The following STX19 variants were observed in gnomAD, a reference collection of about 807,000 sequenced individuals.
STX19 encodes the protein syntaxin-19.
STX19 carries 26 observed loss-of-function variants against 24.3 expected under a neutral mutation model. The observed-to-expected ratio is 1.07, with a 90% CI of 0.78 to 1.48. The LOEUF (loss-of-function observed/expected upper bound fraction) is 1.48, where lower values mean the gene tolerates loss of function less well. Ranked by LOEUF, STX19 falls within the 40% of genes most tolerant of loss-of-function variation. The pLI is 0.00. For synonymous variants in STX19, 116 were observed against 106.9 expected (o/e 1.09, Z -0.52); for missense variants, 367 against 331.9 (o/e 1.11, Z -0.82).
At chr3:94,021,590 G>A (rs1231231532) in intron 1 of STX19, among the ~76,000 whole-genome samples, 1 of 152,122 alleles carries the variant, frequency 6.6e-6, no homozygotes, top group South Asian at 2.1e-4. Context: ...TTACCATGTG[G>A]CAACTTTGTG....
intron 1 of STX19, among the ~76,000 whole-genome samples, chr3:94,019,732 C>T (rs2106988748): frequency 6.6e-6 from 1 of 152,320 alleles, no homozygotes; most frequent in African/African-American, 2.4e-5. Flanking sequence ...ACAATGACTT[C>T]ACCCCTTCTG....
At chr3:94,019,952 T>A (rs1428522046) in intron 1 of STX19, among the ~76,000 whole-genome samples, 1 of 152,258 alleles carries the variant, frequency 6.6e-6, no homozygotes, top group Non-Finnish European at 1.5e-5. Context: ...TAGGATGTTC[T>A]TTGTCACCCT....
intron 1 of STX19, among the ~76,000 whole-genome samples, chr3:94,015,872 T>C (rs2107494846): frequency 6.6e-6 from 1 of 152,324 alleles, no homozygotes; most frequent in Middle Eastern, 3.4e-3. Context: ...CTGTTGCATA[T>C]ATGTGAAAAC....
intron 1 of STX19, among the ~76,000 whole-genome samples, chr3:94,028,009 CTAAAG>C (rs1182348921): frequency 6.6e-5 from 10 of 152,068 alleles, no homozygotes; most frequent in East Asian, 1.9e-4. Flanking sequence ...AAAATGTTCT[CTAAAG>C]TAAGCACATT....
At chr3:94,020,223 T>G (rs1234421039) in intron 1 of STX19, among the ~76,000 whole-genome samples, 1 of 152,210 alleles carries the variant, frequency 6.6e-6, no homozygotes, top group Non-Finnish European at 1.5e-5. Flanking sequence ...TGAGTTCTTA[T>G]GTTGAGATCT....
intron 1 of STX19, among the ~76,000 whole-genome samples, chr3:94,025,628 T>G (rs986419282): frequency 6.6e-6 from 1 of 152,222 alleles, no homozygotes; most frequent in African/African-American, 2.4e-5. Context: ...ACAAGAATGC[T>G]CTGAGTGTCC....
chr3:94,025,689 G>A lies in STX19; in HGVS notation c.-14+2678C>T, dbSNP rs185033757. On this transcript the variant is annotated intron_variant, in intron 1 of 1. Coordinates refer to ENST00000315099, the MANE Select transcript of STX19 (RefSeq NM_001001850.3). ...TATTTTTTTGATTGTCACTACCAAC[G>A]CCCCATGGAGTTTGCCCCTTGTAGC... Among the ~76,000 whole-genome samples the A allele has an allele frequency of 1.4e-3, 214 of 152,132 alleles. 2 individuals carry two copies. The highest frequency in any genetic ancestry group is 3.9e-3 in the Admixed American group (59 of 15,280).
chr3:94,026,227 G>C (rs1416702509), intron 1 of STX19, among the ~76,000 whole-genome samples: 2 of 152,134 alleles, frequency 1.3e-5, no homozygotes, highest in Non-Finnish European at 2.9e-5. Flanking sequence ...CACCGTGTGA[G>C]CCAGGAGAAA....
At chr3:94,020,412 G>T (rs1375317801) in intron 1 of STX19, among the ~76,000 whole-genome samples, 1 of 152,160 alleles carries the variant, frequency 6.6e-6, no homozygotes, top group Non-Finnish European at 1.5e-5. Context: ...GATTCTGGCA[G>T]TATAGTTTGA....
intron 1 of STX19, among the ~76,000 whole-genome samples, chr3:94,020,736 T>G (rs1392991812): frequency 6.6e-6 from 1 of 152,178 alleles, no homozygotes; most frequent in East Asian, 1.9e-4. Context: ...TGGGAAACAT[T>G]TAAGAGCAAG....
At chr3:94,023,236 A>G (rs2076486958) in intron 1 of STX19, among the ~76,000 whole-genome samples, 1 of 152,134 alleles carries the variant, frequency 6.6e-6, no homozygotes, top group African/African-American at 2.4e-5. Context: ...TGGAAATTAT[A>G]TTCCCTCAAA....
intron 1 of STX19, among the ~76,000 whole-genome samples, chr3:94,019,640 A>G (rs1333689778): frequency 6.6e-6 from 1 of 151,690 alleles, no homozygotes; most frequent in South Asian, 2.1e-4. Flanking sequence ...GTTAAAATGT[A>G]GGTCAGACCA....
rs1037460019 is a variant in STX19 at position 94,015,150 on chromosome 3, AAT to A, written c.118_119del (p.Ile40LeufsTer2). The A allele has an allele frequency of 1.9e-6, 3 of 1,613,838 alleles. No homozygotes were observed. Among genetic ancestry groups the A allele is most frequent in the Non-Finnish European group, 8.5e-7 (1 of 1,179,938 alleles). On this transcript the variant is annotated frameshift_variant, in exon 2 of 2. Coordinates refer to ENST00000315099, the MANE Select transcript of STX19 (RefSeq NM_001001850.3). LOFTEE classifies it high-confidence loss of function. The part of the protein sequence containing the change: ...EQGVFLQQAV[I>X]YEREPVAERH... Reference sequence around the variant, plus strand: ...TCTCAGCTACAGGCTCTCTTTCATAAATAACAGCTTGCTGTAGAAACACCCCT... The same window carrying A: ...TCTCAGCTACAGGCTCTCTTTCATAAAACAGCTTGCTGTAGAAACACCCCT...
intron 1 of STX19, among the ~76,000 whole-genome samples, chr3:94,028,055 G>T (rs146909484): frequency 8.8e-4 from 134 of 152,086 alleles, no homozygotes; most frequent in Admixed American, 3.3e-4. Context: ...AATAATTTTA[G>T]ATCTGTTTTT....
Position 94,014,619 on chromosome 3 carries a change from C to G in STX19, c.651G>C (p.Lys217Asn). 5 of 1,613,404 alleles carry G rather than the reference C, an allele frequency of 3.1e-6. No individual in the cohort carries two copies. The highest frequency in any genetic ancestry group is 4.2e-6 in the Non-Finnish European group (5 of 1,179,914). The stretch of plus-strand genomic sequence containing the variant: ...TTTGGTTCTCCAAATTAACAAGTTC[C>G]TTGTGTCTCTGTTCAATCTCTGAAA... ...AQLSEIEQRH[K>N]ELVNLENQIK... is the part of the protein sequence containing the mutation. Residue 217 changes from lysine (K) to asparagine (N), a missense_variant, in exon 2 of 2, where the codon AAG (lysine) becomes AAC (asparagine). By Grantham distance (94) the Lys-to-Asn change is moderately conservative. Transcript: ENST00000315099.
intron 1 of STX19, among the ~76,000 whole-genome samples, chr3:94,027,553 G>A (rs1474265078): frequency 6.6e-6 from 1 of 152,062 alleles, no homozygotes; most frequent in African/African-American, 2.4e-5. Flanking sequence ...TGAAGATAAT[G>A]TGTTCGAGGT....
At chr3:94,020,043 A>G (rs2076415950) in intron 1 of STX19, among the ~76,000 whole-genome samples, 1 of 152,044 alleles carries the variant, frequency 6.6e-6, no homozygotes, top group African/African-American at 2.4e-5. Flanking sequence ...TTAACATACC[A>G]TGTATTTTAC....
At chr3:94,019,573 C>A (rs1393020449) in intron 1 of STX19, among the ~76,000 whole-genome samples, 1 of 144,350 alleles carries the variant, frequency 6.9e-6, no homozygotes, top group Non-Finnish European at 1.5e-5. Flanking sequence ...GCACCAACTA[C>A]CCCCCATCCT....
At chr3:94,021,182 T>TTATATATA (rs373884811) in intron 1 of STX19, among the ~76,000 whole-genome samples, 105 of 146,450 alleles carry the variant, frequency 7.2e-4, no homozygotes, top group African/African-American at 2.6e-3. Context: ...TTTAATATTA[T>TTATATATA]TATATATATA....
Sources: allele counts gnomAD v4.1 joint callset (sites outside exome capture counted in the v4.1 genomes callset), GRCh38; gene constraint gnomAD v4.1.1; transcripts MANE v1.5; gene names NCBI Gene and HGNC (gene_info 2026-07-23, HGNC 2026-07-21).